The following IRGM variants were observed in gnomAD, a reference collection of about 807,000 sequenced individuals.
The protein encoded by IRGM is immunity related GTPase M.
For missense variants in IRGM, 288 were observed against 219.9 expected (o/e 1.31, Z -1.96); for synonymous variants, 98 against 80.6 (o/e 1.22, Z -1.16).
intron 3 of IRGM, chr5:150,896,762 T>C (rs1754801327): frequency 6.2e-7 from 1 of 1,613,828 alleles, no homozygotes; most frequent in African/African-American, 1.3e-5. Flanking sequence ...TATGCCCTGA[T>C]GCCTCAGTCA....
At position 150,899,729 on chromosome 5, in the gene IRGM, G is replaced by A. The variant is rs1425647821; in HGVS notation, c.*141-860G>A. ...TAGAGTTATAAAATGTTTCTGGAGGGAACATTGACTATTTTAATTATGTCA... is the reference window on the plus strand; with the variant it reads ...TAGAGTTATAAAATGTTTCTGGAGGAAACATTGACTATTTTAATTATGTCA... On this transcript the variant is annotated intron_variant and NMD_transcript_variant, in intron 3 of 3. Coordinates refer to the IRGM transcript ENST00000520549. 2.6e-5 allele frequency among the ~76,000 whole-genome samples: 4 copies of A among 152,006 alleles called. No individual in the cohort carries two copies. In the East Asian group the frequency reaches 7.7e-4, roughly 29 times the overall value.
At chr5:150,883,789 A>G (rs563920309) in intron 3 of IRGM, among the ~76,000 whole-genome samples, 3 of 152,082 alleles carry the variant, frequency 2.0e-5, no homozygotes, top group Non-Finnish European at 4.4e-5. Flanking sequence ...TGATGGCTTC[A>G]TTACTAAATT....
chr5:150,884,456 GA>G (rs1029454816), intron 3 of IRGM, among the ~76,000 whole-genome samples: 25 of 152,104 alleles, frequency 1.6e-4, no homozygotes, highest in African/African-American at 6.0e-4. Flanking sequence ...TTGCTGATTT[GA>G]ATGGTAGTTT....
intron 3 of IRGM, among the ~76,000 whole-genome samples, chr5:150,891,078 GT>G (rs1754601805): frequency 6.6e-6 from 1 of 152,006 alleles, no homozygotes; most frequent in Non-Finnish European, 1.5e-5. Flanking sequence ...TTCCTTTGAA[GT>G]TTTATCAGTT....
At chr5:150,850,431 C>T (rs1023176584), downstream of IRGM, among the ~76,000 whole-genome samples, 5 of 152,128 alleles carry the variant, frequency 3.3e-5, no homozygotes, top group African/African-American at 9.7e-5. Context: ...AGAAATGCTT[C>T]CATGTCTGTA....
chr5:150,848,720 C>G (rs148812470), downstream of IRGM: 1 of 1,319,986 alleles, frequency 7.6e-7, no homozygotes, highest in African/African-American at 1.5e-5. Context: ...TTCCTTTTCT[C>G]CTTTATTTCA....
At chr5:150,896,947 G>A in intron 3 of IRGM, 2 of 1,612,128 alleles carry the variant, frequency 1.2e-6, no homozygotes, top group Non-Finnish European at 1.7e-6. Context: ...ATACATGACT[G>A]GGAGTTGTGA....
chr5:150,896,813 G>A (rs1249006935), intron 3 of IRGM: 1 of 1,613,618 alleles, frequency 6.2e-7, no homozygotes, highest in African/African-American at 1.3e-5. Context: ...TGAAGAGTTT[G>A]TCTTGATTCT....
chr5:150,869,426 T>A (rs1290038057), intron 1 of IRGM, among the ~76,000 whole-genome samples: 1 of 152,172 alleles, frequency 6.6e-6, no homozygotes, highest in Non-Finnish European at 1.5e-5. Flanking sequence ...TCGGGGATAT[T>A]GATCTGTAGT....
rs558690148 is a variant in IRGM, at chr5:150,857,705, G to C, written c.158+9051G>C. ...TGATGGTGAGCATTTTTTCATGTGT[G>C]TTTTGGCTGCATAAATGTCTTCTTT... On this transcript the variant is annotated intron_variant and NMD_transcript_variant, in intron 1 of 3. Coordinates refer to the IRGM transcript ENST00000520549. Among the ~76,000 whole-genome samples, 604 of 151,710 alleles carry C rather than the reference G, an allele frequency of 4.0e-3. 4 individuals are homozygous for C. Among genetic ancestry groups the C allele is most frequent in the Middle Eastern group, 0.017 (5 of 294 alleles).
chr5:150,874,196 T>C (rs1754330228), intron 1 of IRGM, among the ~76,000 whole-genome samples: 2 of 152,290 alleles, frequency 1.3e-5, no homozygotes, highest in South Asian at 4.1e-4. Flanking sequence ...ATCTTTGGGG[T>C]ATATCAACTC....
At chr5:150,890,719 G>T (rs960244694) in intron 3 of IRGM, among the ~76,000 whole-genome samples, 5 of 151,836 alleles carry the variant, frequency 3.3e-5, no homozygotes, top group Admixed American at 2.0e-4. Flanking sequence ...TGACTAATGG[G>T]TTATTTAGAA....
chr5:150,882,046 G>T (rs1188788658), intron 3 of IRGM, among the ~76,000 whole-genome samples: 1 of 151,904 alleles, frequency 6.6e-6, no homozygotes, highest in Non-Finnish European at 1.5e-5. Flanking sequence ...CACAGGTGTG[G>T]TGGCACCCAC....
chr5:150,868,880 C>A (rs1278469337), intron 1 of IRGM, among the ~76,000 whole-genome samples: 1 of 151,992 alleles, frequency 6.6e-6, no homozygotes. Context: ...GATCTAGGAG[C>A]TTTTTGGATA....
intron 3 of IRGM, among the ~76,000 whole-genome samples, chr5:150,882,443 T>A (rs1354998574): frequency 6.6e-6 from 1 of 152,136 alleles, no homozygotes; most frequent in African/African-American, 2.4e-5. Context: ...ATGATTTTTT[T>A]AAGTGACCCA....
At chr5:150,893,079 A>G (rs1754641099) in intron 3 of IRGM, among the ~76,000 whole-genome samples, 1 of 152,052 alleles carries the variant, frequency 6.6e-6, no homozygotes. Flanking sequence ...ACTTACTGCT[A>G]TACATTGTCC....
Position 150,848,086 on chromosome 5 carries a change from C to T in IRGM, c.-38C>T, listed in dbSNP as rs1561738545. 1.3e-6 allele frequency: 2 copies of T among 1,492,876 alleles called. No individual in the cohort carries two copies. The highest frequency in any genetic ancestry group is 1.8e-6 in the Non-Finnish European group (2 of 1,112,998). The allele number at this position is 1,492,876 out of a possible 1,614,324, so 92.5% of individuals were successfully genotyped here. ...AAAGTGCTGGGATTACAGGCATGAGCCACGGCGCCTGGCCAGCATTGGGGT... is the reference window on the plus strand; with the variant it reads ...AAAGTGCTGGGATTACAGGCATGAGTCACGGCGCCTGGCCAGCATTGGGGT... On this transcript the variant is annotated 5_prime_UTR_variant, in exon 2 of 2. Transcript: ENST00000522154.
intron 1 of IRGM, among the ~76,000 whole-genome samples, chr5:150,873,631 G>T (rs190840552): frequency 0.032 from 4,828 of 152,170 alleles, 242 homozygotes; most frequent in African/African-American, 0.11. Context: ...TTTAGCTTTT[G>T]TCTGACTTAC....
chr5:150,896,427 C>T (rs757839237), intron 3 of IRGM: 2 of 1,613,598 alleles, frequency 1.2e-6, no homozygotes, highest in Admixed American at 3.3e-5. Context: ...ACATGTAACA[C>T]ATACACAGCT....
Sources: gnomAD v4.1 joint callset for allele counts (sites outside exome capture counted in the v4.1 genomes callset) on GRCh38, gnomAD v4.1.1 for gene constraint, MANE v1.5 for transcripts, NCBI Gene and HGNC (gene_info 2026-07-23, HGNC 2026-07-21) for gene names.